The following USP13 variants were observed in gnomAD, a reference collection of about 807,000 sequenced individuals.
USP13 encodes the protein ubiquitin carboxyl-terminal hydrolase 13.
Under a neutral mutation model 107.8 loss-of-function variants are expected in USP13, and 68 were observed. That is an observed-to-expected ratio of 0.63 (90% CI 0.52 to 0.77). USP13 has a LOEUF of 0.77. Ranked by LOEUF, USP13 falls within the 30% of genes least tolerant of loss-of-function variation. USP13 has a pLI of 0.00. For synonymous variants in USP13, 377 were observed against 389.5 expected, an observed-to-expected ratio of 0.97 and a Z score of 0.38; for missense variants, 945 against 1,093.3, an observed-to-expected ratio of 0.86 and a Z score of 1.91.
chr3:179,752,957 C>T (rs964224516), intron 14 of USP13, among the ~76,000 whole-genome samples: 18 of 152,132 alleles, frequency 1.2e-4, no homozygotes, highest in Admixed American at 2.0e-4. Context: ...AGGCTTTCTT[C>T]GTGCTAATTT....
At chr3:179,780,813 C>A (rs1475474254) in intron 19 of USP13, among the ~76,000 whole-genome samples, 1 of 152,160 alleles carries the variant, frequency 6.6e-6, no homozygotes, top group Non-Finnish European at 1.5e-5. Context: ...TGTCCAGAAC[C>A]AATACTTCTT....
At position 179,727,319 on chromosome 3, in the gene USP13, T is replaced by C. The variant is rs1280800654; in HGVS notation, c.1089-2870T>C. On this transcript the variant is annotated intron_variant, in intron 8 of 20. Transcript: ENST00000263966. ...CTAGGCAGAGGACCCTGCGGCCTTC[T>C]GCAGTGTTTGTGTCCCTGGGTACTT... Among the ~76,000 whole-genome samples the C allele has an allele frequency of 1.0e-3, 138 of 131,660 alleles. 1 individual carries two copies. Among genetic ancestry groups the C allele is most frequent in the African/African-American group, 3.4e-3 (125 of 36,322 alleles). The allele number at this position is 131,660 out of a possible 152,430, so 86.4% of individuals were successfully genotyped here. A position where few individuals can be genotyped will look rare whatever the true frequency, so the allele number is the denominator to read the frequency against.
chr3:179,675,532 C>T (rs1340318675), intron 1 of USP13, among the ~76,000 whole-genome samples: 3 of 129,180 alleles, frequency 2.3e-5, no homozygotes, highest in Non-Finnish European at 4.9e-5. Context: ...TATCTGTAAC[C>T]TATTTTATTA....
At chr3:179,668,633 T>A (rs1413806938) in intron 1 of USP13, among the ~76,000 whole-genome samples, 1 of 152,050 alleles carries the variant, frequency 6.6e-6, no homozygotes, top group Non-Finnish European at 1.5e-5. Context: ...CTTGGCTCAC[T>A]GCAACCTTGA....
chr3:179,739,149 C>T (rs1171824367), intron 10 of USP13, among the ~76,000 whole-genome samples: 1 of 152,232 alleles, frequency 6.6e-6, no homozygotes, highest in African/African-American at 2.4e-5. Context: ...GCCGTCACCT[C>T]CTCCTGCCCT....
At chr3:179,736,598 G>T (rs187595845) in intron 10 of USP13, among the ~76,000 whole-genome samples, 99 of 152,310 alleles carry the variant, frequency 6.5e-4, no homozygotes, top group Admixed American at 3.9e-3. Flanking sequence ...ACTTCTAAAT[G>T]ATCGACAACT....
At position 179,698,958 on chromosome 3, in the gene USP13, C is replaced by T. The variant is rs560534783; in HGVS notation, c.356-2050C>T. 4.0e-5 allele frequency among the ~76,000 whole-genome samples: 6 copies of T among 151,894 alleles called. 1 individual carries two copies. The highest frequency in any genetic ancestry group is 1.4e-4 in the African/African-American group (6 of 41,406). ...AATCTCGGCTCACTGCAACCTCCTC[C>T]TCCTGGGTTTAAGCAATTCCCTGCC... On this transcript the variant is annotated intron_variant, in intron 3 of 20. Coordinates refer to ENST00000263966, the MANE Select transcript of USP13 (RefSeq NM_003940.3).
intron 16 of USP13, among the ~76,000 whole-genome samples, chr3:179,759,399 A>G (rs1229270706): frequency 6.6e-6 from 1 of 152,216 alleles, no homozygotes; most frequent in East Asian, 1.9e-4. Flanking sequence ...GCAGAGTTTC[A>G]TAGTTTCTTT....
chr3:179,710,291 CTT>C (rs1250766035), intron 6 of USP13, among the ~76,000 whole-genome samples: 3 of 152,170 alleles, frequency 2.0e-5, no homozygotes, highest in African/African-American at 7.2e-5. Context: ...TGTTGAATGA[CTT>C]TTCTCTAAGC....
intron 13 of USP13, among the ~76,000 whole-genome samples, chr3:179,746,146 G>C (rs1036390297): frequency 6.7e-6 from 1 of 148,812 alleles, no homozygotes; most frequent in African/African-American, 2.5e-5. Flanking sequence ...GGTGTGGGCT[G>C]TTTTTACCAT....
intron 10 of USP13, among the ~76,000 whole-genome samples, chr3:179,733,600 A>T (rs1713881732): frequency 6.6e-6 from 1 of 152,212 alleles, no homozygotes; most frequent in South Asian, 2.1e-4. Flanking sequence ...TTTGTGACTT[A>T]TAGATGAGCC....
At chr3:179,737,967 G>A (rs538594118) in intron 10 of USP13, among the ~76,000 whole-genome samples, 1 of 152,212 alleles carries the variant, frequency 6.6e-6, no homozygotes, top group Non-Finnish European at 1.5e-5. Flanking sequence ...CATAGAACAT[G>A]TGTGTTGGAG....
intron 1 of USP13, among the ~76,000 whole-genome samples, chr3:179,654,034 A>AC (rs1455762658): frequency 6.6e-6 from 1 of 151,706 alleles, no homozygotes; most frequent in African/African-American, 2.4e-5. Flanking sequence ...ATATGGCGAA[A>AC]CCCCATCTCT....
At chr3:179,783,724 T>C (rs2108559786) in intron 20 of USP13, among the ~76,000 whole-genome samples, 1 of 152,246 alleles carries the variant, frequency 6.6e-6, no homozygotes, top group Non-Finnish European at 1.5e-5. Flanking sequence ...CAGTTGTAGC[T>C]GGGTATGATG....
At chr3:179,736,224 G>A (rs1030176138) in intron 10 of USP13, among the ~76,000 whole-genome samples, 4 of 152,118 alleles carry the variant, frequency 2.6e-5, no homozygotes, top group African/African-American at 9.7e-5. Flanking sequence ...TTTGCTTTAA[G>A]TTTGCTCTAA....
At chr3:179,751,717 G>A (rs1232182162) in intron 13 of USP13, among the ~76,000 whole-genome samples, 1 of 152,044 alleles carries the variant, frequency 6.6e-6, no homozygotes, top group African/African-American at 2.4e-5. Flanking sequence ...TTTGAAACAG[G>A]TCCAAAAGCA....
Position 179,742,394 on chromosome 3 carries a change from T to C in USP13, c.1534+44T>C. 3.1e-6 allele frequency: 5 copies of C among 1,610,756 alleles called. No individual in the cohort carries two copies. Among genetic ancestry groups the C allele is most frequent in the Non-Finnish European group, 4.2e-6 (5 of 1,177,644 alleles). On this transcript the variant is annotated intron_variant, in intron 12 of 20. Coordinates refer to ENST00000263966, the MANE Select transcript of USP13 (RefSeq NM_003940.3). The surrounding 1 kb of genome is among the most constrained non-coding windows in gnomAD (Gnocchi z 5.0). ...GAAATTGGTACTGTGTGTCTTCATATGGGAAAACCCTCAAATCAGAGAGAA... is the reference window on the plus strand; with the variant it reads ...GAAATTGGTACTGTGTGTCTTCATACGGGAAAACCCTCAAATCAGAGAGAA...
intron 1 of USP13, among the ~76,000 whole-genome samples, chr3:179,670,502 G>C (rs774276257): frequency 1.3e-5 from 2 of 151,996 alleles, no homozygotes; most frequent in Admixed American, 1.3e-4. Flanking sequence ...GCCAACTAGA[G>C]TACAGTGTTC....
At chr3:179,707,179 C>A in intron 5 of USP13, 103 bp downstream of exon 5, 2 of 1,380,188 alleles carry the variant, frequency 1.4e-6, no homozygotes, top group Admixed American at 2.7e-5. Flanking sequence ...TTTTTCTTAC[C>A]AGATGCCTTT....
Sources: allele counts gnomAD v4.1 joint callset (sites outside exome capture counted in the v4.1 genomes callset), GRCh38; gene constraint gnomAD v4.1.1; non-coding constraint Gnocchi (gnomAD v3.1); transcripts MANE v1.5; gene names NCBI Gene and HGNC (gene_info 2026-07-23, HGNC 2026-07-21).